SPON1: variants seen among roughly 807,000 people sequenced by gnomAD.
SPON1 encodes spondin-1.
Under a neutral mutation model 111.7 loss-of-function variants are expected in SPON1, and 52 were observed. The observed-to-expected ratio is 0.47, with a 90% CI of 0.37 to 0.59. The LOEUF (loss-of-function observed/expected upper bound fraction) is 0.59. Ranked by LOEUF, SPON1 falls within the 20% of genes least tolerant of loss-of-function variation. The pLI, the probability that SPON1 is intolerant of heterozygous loss-of-function variation, is 0.00. For synonymous variants in SPON1, 410 were observed against 395.8 expected, an observed-to-expected ratio of 1.04 and a Z score of -0.43; for missense variants, 957 against 1,068.5, an observed-to-expected ratio of 0.90 and a Z score of 1.46.
At chr11:14,047,024 T>C (rs11023063) in intron 3 of SPON1, among the ~76,000 whole-genome samples, 60,719 of 151,982 alleles carry the variant, frequency 0.4, 13,229 homozygotes, top group South Asian at 0.57. Flanking sequence ...AGAAAAGCTA[T>C]CAATTTTTGT....
chr11:13,992,980 A>G (rs1393917159), intron 2 of SPON1, among the ~76,000 whole-genome samples: 2 of 152,176 alleles, frequency 1.3e-5, no homozygotes, highest in African/African-American at 4.8e-5. Context: ...GGAGCTGTAG[A>G]CCAGAGCTGT....
chr11:13,963,842 G>A (rs1473079166), intron 1 of SPON1, among the ~76,000 whole-genome samples: 1 of 152,222 alleles, frequency 6.6e-6, no homozygotes, highest in Non-Finnish European at 1.5e-5. Flanking sequence ...TCCTCAAAGA[G>A]CTTGGGGTAA....
At chr11:14,076,466 T>C (rs1371245300) in intron 4 of SPON1, among the ~76,000 whole-genome samples, 2 of 152,232 alleles carry the variant, frequency 1.3e-5, no homozygotes, top group Non-Finnish European at 2.9e-5. Context: ...TTTAAGCACT[T>C]CATATGCATT....
At chr11:14,163,656 A>G (rs1023823978) in intron 6 of SPON1, among the ~76,000 whole-genome samples, 3 of 152,176 alleles carry the variant, frequency 2.0e-5, no homozygotes, top group Non-Finnish European at 4.4e-5. Flanking sequence ...TGTCATCACT[A>G]TGGAGACATG....
intron 2 of SPON1, among the ~76,000 whole-genome samples, chr11:13,985,107 C>T (rs1554910166): frequency 1.3e-5 from 2 of 152,212 alleles, no homozygotes; most frequent in African/African-American, 2.4e-5. Context: ...GCCCTCACAA[C>T]CTGTGTTTTA....
chr11:14,029,634 C>T (rs1031907245), intron 2 of SPON1, among the ~76,000 whole-genome samples: 2 of 152,192 alleles, frequency 1.3e-5, no homozygotes, highest in Non-Finnish European at 2.9e-5. Flanking sequence ...CCCCACTGAA[C>T]TTCCTGAGGC....
chr11:14,097,068 A>G (rs980757587), intron 5 of SPON1, among the ~76,000 whole-genome samples: 3 of 152,144 alleles, frequency 2.0e-5, no homozygotes, highest in Middle Eastern at 6.8e-3. Flanking sequence ...CTCACCTAGG[A>G]CCTAAAAACA....
chr11:14,075,437 G>A lies in SPON1; in HGVS notation c.553+19G>A. ...GAACAAGGTAAGACCCTGTGGGTGG[G>A]GAGGGGGAGGGGCAGAGACATGGAA... On this transcript the variant is annotated intron_variant, in intron 4 of 15. Transcript: ENST00000576479. 1 of 1,519,602 alleles carries A rather than the reference G, an allele frequency of 6.6e-7. No homozygotes were observed. The allele number at this position is 1,519,602 out of a possible 1,614,324, so 94.1% of individuals were successfully genotyped here.
chr11:14,019,699 C>A (rs1848467207), intron 2 of SPON1, among the ~76,000 whole-genome samples: 1 of 152,166 alleles, frequency 6.6e-6, no homozygotes, highest in South Asian at 2.1e-4. Flanking sequence ...CTTTTAGCAG[C>A]TCAGTGACAT....
At chr11:13,978,088 G>A (rs1022371578) in intron 1 of SPON1, among the ~76,000 whole-genome samples, 7 of 152,068 alleles carry the variant, frequency 4.6e-5, no homozygotes, top group Admixed American at 3.9e-4. Flanking sequence ...AACTTTCCTG[G>A]ACCCTAAGCT....
chr11:14,028,284 C>G (rs1848533662), intron 2 of SPON1, among the ~76,000 whole-genome samples: 1 of 151,854 alleles, frequency 6.6e-6, no homozygotes, highest in East Asian at 1.9e-4. Context: ...GAGTTTGAGA[C>G]CAACCTGGGC....
intron 1 of SPON1, among the ~76,000 whole-genome samples, chr11:13,969,724 A>T (rs1232288900): frequency 6.6e-6 from 1 of 152,208 alleles, no homozygotes; most frequent in Non-Finnish European, 1.5e-5. Context: ...TATACGTAAG[A>T]TATAACCCAG....
At chr11:13,973,520 C>T (rs147025522) in intron 1 of SPON1, among the ~76,000 whole-genome samples, 21 of 152,302 alleles carry the variant, frequency 1.4e-4, no homozygotes, top group African/African-American at 2.2e-4. Flanking sequence ...TGTTCCACGA[C>T]GAGGTCACAC....
In SPON1 at chr11:14,160,744, A is replaced by ATATATATTTATATATATT. The variant is rs1564919413; in HGVS notation, c.825+25196_825+25213dup. 7.9e-5 allele frequency among the ~76,000 whole-genome samples: 3 copies of ATATATATTTATATATATT among 37,876 alleles called. 1 individual carries two copies. Among genetic ancestry groups the ATATATATTTATATATATT allele is most frequent in the African/African-American group, 3.1e-4 (3 of 9,668 alleles). The allele number at this position is 37,876 out of a possible 152,430, so 24.8% of individuals were successfully genotyped here. On this transcript the variant is annotated intron_variant, in intron 6 of 15. Transcript: ENST00000576479. ...TTATATATTTATATATATTTAATTT[A>ATATATATTTATATATATT]TATATATTTATATATATTTATATAT...
At chr11:13,971,488 C>A (rs1554908590) in intron 1 of SPON1, among the ~76,000 whole-genome samples, 1 of 152,132 alleles carries the variant, frequency 6.6e-6, no homozygotes, top group African/African-American at 2.4e-5. Flanking sequence ...TAGTACTTTC[C>A]AAACCTAGCT....
At chr11:14,010,182 C>T (rs1367971328) in intron 2 of SPON1, among the ~76,000 whole-genome samples, 1 of 152,080 alleles carries the variant, frequency 6.6e-6, no homozygotes, top group Non-Finnish European at 1.5e-5. Context: ...GTTGGAGGGC[C>T]CCACAGCTAA....
intron 2 of SPON1, among the ~76,000 whole-genome samples, chr11:14,006,134 A>G (rs1848358722): frequency 6.6e-6 from 1 of 152,184 alleles, no homozygotes; most frequent in African/African-American, 2.4e-5. Context: ...CAGGGTAAGG[A>G]AAAGTGAGCT....
Position 13,980,207 on chromosome 11 carries a change from AT to A in SPON1, c.239-2634del, listed in dbSNP as rs527305383. Among the ~76,000 whole-genome samples the A allele has an allele frequency of 1.3e-3, 199 of 151,924 alleles. 1 individual carries two copies. The highest frequency in any genetic ancestry group is 0.01 in the Admixed American group (154 of 15,258). ...AGGCATGTGCCACCATGTCCGGCTA[AT>A]TTTTTGTATTTTTAGTAGAGATGGG... is the stretch of plus-strand genomic sequence containing the variant. On this transcript the variant is annotated intron_variant, in intron 1 of 15. Coordinates refer to ENST00000576479, the MANE Select transcript of SPON1 (RefSeq NM_006108.4).
At chr11:14,083,131 T>C (rs1441850644) in intron 5 of SPON1, among the ~76,000 whole-genome samples, 1 of 152,140 alleles carries the variant, frequency 6.6e-6, no homozygotes, top group African/African-American at 2.4e-5. Flanking sequence ...CAGGTTAATA[T>C]AAAGAACATA....
Sources: allele counts gnomAD v4.1 joint callset (sites outside exome capture counted in the v4.1 genomes callset), GRCh38; gene constraint gnomAD v4.1.1; transcripts MANE v1.5; gene names NCBI Gene and HGNC (gene_info 2026-07-23, HGNC 2026-07-21).